CSMD1: variants seen among roughly 807,000 people sequenced by gnomAD.
CSMD1 encodes the protein CUB and sushi domain-containing protein 1.
In CSMD1, 213 loss-of-function variants were observed where a neutral mutation model predicts 417.5. That is an observed-to-expected ratio of 0.51 (90% confidence interval 0.46 to 0.57). CSMD1 has a LOEUF of 0.57. Ranked by LOEUF, CSMD1 falls within the 20% of genes least tolerant of loss-of-function variation. The probability of loss-of-function intolerance (pLI) is 0.00; values close to 1 mark genes in which losing one functional copy is unlikely to be tolerated. For synonymous variants in CSMD1, 2,862 were observed against 1,736.8 expected (o/e 1.65, Z -16.11); for missense variants, 6,923 against 4,529.7 (o/e 1.53, Z -15.17).
intron 3 of CSMD1, among the ~76,000 whole-genome samples, chr8:4,211,982 C>A (rs1021252464): frequency 6.6e-6 from 1 of 152,030 alleles, no homozygotes; most frequent in African/African-American, 2.4e-5. Context: ...AGCAGTATGT[C>A]TTCTGTTATA....
chr8:3,794,588 T>A (rs7004559), intron 5 of CSMD1, among the ~76,000 whole-genome samples: 89,954 of 151,842 alleles, frequency 0.59, 27,764 homozygotes, highest in Non-Finnish European at 0.68. Context: ...TGGTTTATTT[T>A]TCCATTTTTT....
chr8:2,981,625 A>C (rs964764813), intron 54 of CSMD1, among the ~76,000 whole-genome samples: 6 of 152,208 alleles, frequency 3.9e-5, no homozygotes, highest in Non-Finnish European at 5.9e-5. Flanking sequence ...TCTTATATAC[A>C]TACAGCTCAG....
At chr8:3,618,434 A>C (rs969118105) in intron 7 of CSMD1, among the ~76,000 whole-genome samples, 1 of 152,080 alleles carries the variant, frequency 6.6e-6, no homozygotes. Flanking sequence ...ACGGGTTAAG[A>C]TATTTTTTAG....
At chr8:4,458,917 T>C (rs2129922611) in intron 2 of CSMD1, among the ~76,000 whole-genome samples, 1 of 152,290 alleles carries the variant, frequency 6.6e-6, no homozygotes, top group South Asian at 2.1e-4. Flanking sequence ...TTAAAAATAT[T>C]TAAGTTTCTG....
intron 3 of CSMD1, among the ~76,000 whole-genome samples, chr8:4,232,760 G>C (rs896567455): frequency 6.6e-6 from 1 of 152,152 alleles, no homozygotes; most frequent in African/African-American, 2.4e-5. Context: ...CTGCTATCTG[G>C]TTAAAACCCT....
chr8:4,326,524 CATA>C (rs1316547695), intron 3 of CSMD1, among the ~76,000 whole-genome samples: 3 of 152,130 alleles, frequency 2.0e-5, no homozygotes, highest in Non-Finnish European at 4.4e-5. Context: ...AGAGGTAGTG[CATA>C]ATGAGTAATC....
intron 1 of CSMD1, among the ~76,000 whole-genome samples, chr8:4,977,254 T>G (rs1462717591): frequency 6.6e-6 from 1 of 152,204 alleles, no homozygotes; most frequent in Admixed American, 6.5e-5. Context: ...AGCAAAACTC[T>G]TTCTGCAAAG....
chr8:4,687,433 A>C (rs188473504), intron 1 of CSMD1, among the ~76,000 whole-genome samples: 1 of 152,378 alleles, frequency 6.6e-6, no homozygotes, highest in Non-Finnish European at 1.5e-5. Flanking sequence ...AAAAACTTTC[A>C]ATGTTGATAA....
At chr8:3,675,213 C>T (rs771447932) in intron 7 of CSMD1, among the ~76,000 whole-genome samples, 25 of 152,168 alleles carry the variant, frequency 1.6e-4, no homozygotes, top group Non-Finnish European at 1.6e-4. Context: ...CCTGACCACA[C>T]CTGTTCTCCT....
chr8:3,770,405 T>A (rs1186783292), intron 5 of CSMD1, among the ~76,000 whole-genome samples: 3 of 152,132 alleles, frequency 2.0e-5, no homozygotes, highest in African/African-American at 7.2e-5. Flanking sequence ...GGTGCGTGCC[T>A]GTAATTCCAG....
chr8:4,163,301 A>C (rs1047230524), intron 3 of CSMD1, among the ~76,000 whole-genome samples: 2 of 152,136 alleles, frequency 1.3e-5, no homozygotes, highest in African/African-American at 4.8e-5. Flanking sequence ...TTTTCTAAGA[A>C]ACCACCCAAT....
At chr8:3,162,944 C>T (rs1170652554) in intron 37 of CSMD1, among the ~76,000 whole-genome samples, 1 of 152,152 alleles carries the variant, frequency 6.6e-6, no homozygotes, top group Non-Finnish European at 1.5e-5. Flanking sequence ...CCTAAGGTAT[C>T]AGATAAACGA....
chr8:3,229,774 T>A (rs983354026), intron 27 of CSMD1, among the ~76,000 whole-genome samples: 3 of 152,212 alleles, frequency 2.0e-5, no homozygotes, highest in Non-Finnish European at 4.4e-5. Flanking sequence ...ATTTGATTGA[T>A]CCATGTTTAT....
intron 3 of CSMD1, among the ~76,000 whole-genome samples, chr8:4,223,766 G>A (rs973711395): frequency 6.6e-6 from 1 of 152,178 alleles, no homozygotes; most frequent in African/African-American, 2.4e-5. Context: ...TAGCAAAGGT[G>A]ACCTAGTCTG....
chr8:3,557,983 T>C (rs1321486939), intron 10 of CSMD1, among the ~76,000 whole-genome samples: 1 of 152,152 alleles, frequency 6.6e-6, no homozygotes, highest in Non-Finnish European at 1.5e-5. Flanking sequence ...TGATGAATGG[T>C]GCCTCAGTGG....
chr8:4,450,928 G>A (rs1799105065), intron 2 of CSMD1, among the ~76,000 whole-genome samples: 1 of 152,024 alleles, frequency 6.6e-6, no homozygotes, highest in East Asian at 1.9e-4. Flanking sequence ...AGAGGAAAGG[G>A]CCAATAAAAG....
intron 1 of CSMD1, among the ~76,000 whole-genome samples, chr8:4,920,798 G>C (rs1563768112): frequency 6.7e-6 from 1 of 149,934 alleles, no homozygotes; most frequent in Non-Finnish European, 1.5e-5. Flanking sequence ...GGTCCAGCCT[G>C]GGCAACAAGA....
chr8:3,507,766 C>T (rs1004753088), intron 10 of CSMD1, among the ~76,000 whole-genome samples: 15 of 152,092 alleles, frequency 9.9e-5, no homozygotes, highest in African/African-American at 3.6e-4. Context: ...TGATGATGAG[C>T]ATTTTTTCAT....
intron 2 of CSMD1, among the ~76,000 whole-genome samples, chr8:4,511,889 G>C (rs1382419115): frequency 6.6e-6 from 1 of 152,086 alleles, no homozygotes; most frequent in African/African-American, 2.4e-5. Flanking sequence ...TTCCAGCTTG[G>C]GGAGGGGAAA....
Sources: gnomAD v4.1 joint callset for allele counts (sites outside exome capture counted in the v4.1 genomes callset) on GRCh38, gnomAD v4.1.1 for gene constraint, MANE v1.5 for transcripts, NCBI Gene and HGNC (gene_info 2026-07-23, HGNC 2026-07-21) for gene names.